TMEM217: variants seen among roughly 807,000 people sequenced by gnomAD.
TMEM217 encodes transmembrane protein 217.
For missense variants in TMEM217, 204 were observed against 248.8 expected (o/e 0.82, Z 1.21); for synonymous variants, 76 against 88.3 (o/e 0.86, Z 0.78).
At chr6:37,244,790 G>C (rs1356419634) in intron 1 of TMEM217, among the ~76,000 whole-genome samples, 1 of 152,226 alleles carries the variant, frequency 6.6e-6, no homozygotes. Context: ...GCTGAGCTGA[G>C]CTGATCTCAG....
downstream of TMEM217, chr6:37,212,834 A>T (rs1235981948): frequency 4.6e-6 from 5 of 1,090,942 alleles, no homozygotes; most frequent in Admixed American, 4.0e-5. Flanking sequence ...ACTAGCTCCG[A>T]CTTTGAGTCC....
chr6:37,215,770 G>A (rs1763170029), downstream of TMEM217, among the ~76,000 whole-genome samples: 1 of 152,080 alleles, frequency 6.6e-6, no homozygotes, highest in Non-Finnish European at 1.5e-5. Context: ...AGAGACATGG[G>A]CATTAACTAG....
chr6:37,218,202 C>A (rs2113809843), exon 2 of TMEM217: 13 of 1,210,046 alleles, frequency 1.1e-5, no homozygotes, highest in Non-Finnish European at 1.0e-5. Flanking sequence ...CAGAGTCTTA[C>A]TCTGTCACTC....
downstream of TMEM217, chr6:37,212,988 G>A: frequency 3.9e-6 from 6 of 1,539,700 alleles, no homozygotes; most frequent in Non-Finnish European, 4.4e-6. Flanking sequence ...TGTTTTACCA[G>A]AGCACCTCCT....
intron 1 of TMEM217, among the ~76,000 whole-genome samples, chr6:37,220,305 T>G (rs2113817366): frequency 6.6e-6 from 1 of 152,330 alleles, no homozygotes; most frequent in South Asian, 2.1e-4. Context: ...CACACTTGAT[T>G]TCATTATGAC....
At chr6:37,219,160 TG>T in intron 1 of TMEM217, 119 bp from the exon 2 acceptor site, 2 of 873,294 alleles carry the variant, frequency 2.3e-6, no homozygotes, top group Non-Finnish European at 3.5e-6. Context: ...ATACGAAAAC[TG>T]GGAAACTATA....
intron 1 of TMEM217, among the ~76,000 whole-genome samples, chr6:37,249,597 A>G (rs927408990): frequency 3.1e-4 from 47 of 152,212 alleles, no homozygotes; most frequent in Admixed American, 3.9e-4. Flanking sequence ...TTGGGATTAC[A>G]GGTGTAAGCC....
At chr6:37,217,530 CAGCAACAGATACAGA>C, downstream of TMEM217, 1 of 652,520 alleles carries the variant, frequency 1.5e-6, no homozygotes, top group Non-Finnish European at 1.9e-6. Flanking sequence ...GAGTACAGCA[CAGCAACAGATACAGA>C]AGTATGTTTA....
chr6:37,244,174 T>A (rs535517478), intron 1 of TMEM217, among the ~76,000 whole-genome samples: 1 of 152,364 alleles, frequency 6.6e-6, no homozygotes, highest in East Asian at 1.9e-4. Context: ...GAAGGGCTAT[T>A]GTCATCTTTG....
intron 1 of TMEM217, among the ~76,000 whole-genome samples, chr6:37,240,352 G>GCT (rs1562018940): frequency 6.6e-6 from 1 of 152,180 alleles, no homozygotes; most frequent in Non-Finnish European, 1.5e-5. Flanking sequence ...ATCCAAGCTC[G>GCT]CTCTCTCTGA....
At chr6:37,226,336 A>G (rs1583447809) in intron 1 of TMEM217, among the ~76,000 whole-genome samples, 1 of 113,928 alleles carries the variant, frequency 8.8e-6, no homozygotes, top group Non-Finnish European at 1.6e-5. Flanking sequence ...TCTTTCGCCC[A>G]GGCTGGAGTG....
intron 1 of TMEM217, among the ~76,000 whole-genome samples, chr6:37,243,286 A>C (rs1444341620): frequency 6.6e-6 from 1 of 152,212 alleles, no homozygotes; most frequent in Non-Finnish European, 1.5e-5. Flanking sequence ...GGCCAGAATA[A>C]GGTTTACGTT....
chr6:37,242,867 G>T (rs1764843518), intron 1 of TMEM217, among the ~76,000 whole-genome samples: 1 of 152,204 alleles, frequency 6.6e-6, no homozygotes, highest in Non-Finnish European at 1.5e-5. Flanking sequence ...CCAGGCAGGA[G>T]TGTGCCAGTA....
chr6:37,240,238 C>G (rs1168954622), intron 1 of TMEM217, among the ~76,000 whole-genome samples: 1 of 152,096 alleles, frequency 6.6e-6, no homozygotes, highest in Non-Finnish European at 1.5e-5. Flanking sequence ...CCAAGAGTAG[C>G]GTAGGTGGGT....
chr6:37,216,720 C>G (rs758673624), downstream of TMEM217, among the ~76,000 whole-genome samples: 3 of 152,124 alleles, frequency 2.0e-5, no homozygotes, highest in Non-Finnish European at 4.4e-5. Flanking sequence ...GAAACTTAAT[C>G]CCTAATGCAA....
intron 1 of TMEM217, among the ~76,000 whole-genome samples, chr6:37,230,761 G>T (rs896976644): frequency 6.6e-6 from 1 of 152,148 alleles, no homozygotes; most frequent in South Asian, 2.1e-4. Flanking sequence ...CAATAAAGGG[G>T]CCAAAATTCT....
downstream of TMEM217, chr6:37,213,003 GA>G: frequency 2.6e-6 from 4 of 1,528,644 alleles, no homozygotes; most frequent in Non-Finnish European, 3.5e-6. Flanking sequence ...CCTCCTGCAG[GA>G]AGAAAATCAT....
At chr6:37,235,608 C>T (rs867817724) in intron 1 of TMEM217, among the ~76,000 whole-genome samples, 6 of 46,212 alleles carry the variant, frequency 1.3e-4, no homozygotes, top group East Asian at 9.7e-4. Flanking sequence ...CCTTGTGATC[C>T]GTCCACCTTG....
At chr6:37,256,746 G>C (rs904001905) in intron 1 of TMEM217, among the ~76,000 whole-genome samples, 1 of 144,930 alleles carries the variant, frequency 6.9e-6, no homozygotes, top group Admixed American at 6.9e-5. Flanking sequence ...AATGGAGGGT[G>C]GGGGTGGGGG....
Sources: allele counts gnomAD v4.1 joint callset (sites outside exome capture counted in the v4.1 genomes callset), GRCh38; gene constraint gnomAD v4.1.1; transcripts MANE v1.5; gene names NCBI Gene and HGNC (gene_info 2026-07-23, HGNC 2026-07-21).